USP34: variants seen among roughly 807,000 people sequenced by gnomAD.
USP34 encodes ubiquitin specific peptidase 34.
USP34 carries 70 observed loss-of-function variants against 460.3 expected under a neutral mutation model. That is an observed-to-expected ratio of 0.15 (90% CI 0.13 to 0.19). The LOEUF (loss-of-function observed/expected upper bound fraction) is 0.19. Among genes scored for constraint, USP34 ranks in the 10% least tolerant of loss-of-function variants. The pLI is 1.00. For synonymous variants in USP34, 1,647 were observed against 1,405.3 expected (o/e 1.17, Z -3.85); for missense variants, 3,985 against 4,236.2 (o/e 0.94, Z 1.65).
Position 61,350,619 on chromosome 2 carries a change from T to A in USP34, c.1326A>T (p.Arg442Ser), listed in dbSNP as rs1691916689. The change falls in exon 11 of 80, where the codon AGA becomes AGT. Residue 442 changes from arginine (R) to serine (S), a missense_variant. Arg to Ser is a moderately radical substitution (Grantham distance 110, BLOSUM62 -1). This residue lies in a region of USP34 where 716 missense variants were observed against 626.2 expected (regional missense o/e 1.14). Coordinates refer to ENST00000398571, the MANE Select transcript of USP34 (RefSeq NM_014709.4). ...GAGCTGAGACCAGATTAAGTAGATG[T>A]CTAAGTGGTACGGGATCCAAATTCT... ...LIKNLDPVPL[R>S]HLLNLVSALE... The A allele has an allele frequency of 6.2e-7, 1 of 1,613,766 alleles. No individual in the cohort carries two copies. The highest frequency in any genetic ancestry group is 8.5e-7 in the Non-Finnish European group (1 of 1,179,870).
At chr2:61,237,389 C>T (rs75601810) in intron 53 of USP34, among the ~76,000 whole-genome samples, 78 of 152,148 alleles carry the variant, frequency 5.1e-4, no homozygotes, top group Non-Finnish European at 1.0e-3. Flanking sequence ...CCATAATGGC[C>T]TAACTACTGG....
intron 3 of USP34, among the ~76,000 whole-genome samples, chr2:61,397,903 A>C (rs1170818647): frequency 6.9e-6 from 1 of 145,866 alleles, no homozygotes; most frequent in East Asian, 2.0e-4. Context: ...CATCTCAAAG[A>C]AAAAAAAAAA....
intron 29 of USP34, among the ~76,000 whole-genome samples, chr2:61,297,772 C>T (rs900827134): frequency 1.3e-5 from 2 of 151,866 alleles, no homozygotes; most frequent in Non-Finnish European, 2.9e-5. Flanking sequence ...GATGGAGTTT[C>T]GCTCTTGTAG....
At chr2:61,354,925 C>A (rs574197559) in intron 10 of USP34, among the ~76,000 whole-genome samples, 1 of 152,082 alleles carries the variant, frequency 6.6e-6, no homozygotes, top group East Asian at 1.9e-4. Flanking sequence ...TGTACCAGAC[C>A]CCATGCTATA....
At chr2:61,241,716 C>A in intron 52 of USP34, 50 bp downstream of exon 52, 2 of 1,500,094 alleles carry the variant, frequency 1.3e-6, no homozygotes, top group Non-Finnish European at 9.0e-7. Flanking sequence ...TAAAAGTAGA[C>A]AATGCAGAAG....
chr2:61,195,336 T>TA (rs1172258181), intron 75 of USP34, among the ~76,000 whole-genome samples: 1 of 148,592 alleles, frequency 6.7e-6, no homozygotes, highest in African/African-American at 2.5e-5. Flanking sequence ...TGAGCCATCA[T>TA]ATCCGGCTGG....
chr2:61,441,474 GTCA>G, intron 1 of USP34, among the ~76,000 whole-genome samples: 1 of 152,234 alleles, frequency 6.6e-6, no homozygotes, highest in South Asian at 2.1e-4. Context: ...GGGAAGAGAT[GTCA>G]GGAGGCCTCC....
intron 10 of USP34, among the ~76,000 whole-genome samples, chr2:61,358,625 T>C (rs946595817): frequency 6.6e-6 from 1 of 152,148 alleles, no homozygotes; most frequent in African/African-American, 2.4e-5. Context: ...TAGCCAGAGC[T>C]ACTAGACAAA....
At chr2:61,425,809 G>A (rs1344549494) in intron 1 of USP34, among the ~76,000 whole-genome samples, 3 of 152,054 alleles carry the variant, frequency 2.0e-5, no homozygotes, top group African/African-American at 4.8e-5. Context: ...GGCAGCCAAT[G>A]GAGTGCTGGC....
At chr2:61,358,362 A>G (rs917973184) in intron 10 of USP34, among the ~76,000 whole-genome samples, 2 of 152,104 alleles carry the variant, frequency 1.3e-5, no homozygotes, top group Admixed American at 6.6e-5. Flanking sequence ...CATTCATACT[A>G]AACTTATAGT....
chr2:61,336,667 G>T (rs530858126), intron 18 of USP34, among the ~76,000 whole-genome samples: 1 of 151,714 alleles, frequency 6.6e-6, no homozygotes, highest in South Asian at 2.1e-4. Context: ...AAAGTTAGCT[G>T]GGCGTGGTGG....
chr2:61,290,145 G>T (rs911015431), intron 33 of USP34, among the ~76,000 whole-genome samples: 7 of 152,130 alleles, frequency 4.6e-5, no homozygotes, highest in African/African-American at 1.7e-4. Context: ...TGAAGCCACC[G>T]TGAGCTAACA....
chr2:61,189,134 G>T (rs1322839297), intron 78 of USP34, 65 bp from the exon 79 acceptor site: 1 of 1,490,094 alleles, frequency 6.7e-7, no homozygotes, highest in African/African-American at 1.4e-5. Context: ...GTTGTTTACA[G>T]TTAATTGCAG....
At chr2:61,393,363 G>A (rs1019522516) in intron 5 of USP34, among the ~76,000 whole-genome samples, 10 of 150,892 alleles carry the variant, frequency 6.6e-5, no homozygotes, top group African/African-American at 2.0e-4. Context: ...TCTGGGAGAC[G>A]GAGGTTGCAG....
intron 2 of USP34, among the ~76,000 whole-genome samples, chr2:61,420,487 G>A (rs1420852493): frequency 6.6e-6 from 1 of 152,098 alleles, no homozygotes; most frequent in African/African-American, 2.4e-5. Flanking sequence ...TCTCAAAATA[G>A]TTACTTTTCA....
chr2:61,403,358 G>T (rs1038338748), intron 3 of USP34, among the ~76,000 whole-genome samples: 1 of 152,006 alleles, frequency 6.6e-6, no homozygotes, highest in Non-Finnish European at 1.5e-5. Flanking sequence ...ATATCATTAA[G>T]AAATTTTTAA....
At chr2:61,445,402 GCAA>G (rs1695083627) in intron 1 of USP34, among the ~76,000 whole-genome samples, 1 of 151,136 alleles carries the variant, frequency 6.6e-6, no homozygotes, top group South Asian at 2.1e-4. Context: ...GGGCGTGGTG[GCAA>G]GCACCTGTAG....
chr2:61,250,874 C>G (rs1365430569), intron 48 of USP34, among the ~76,000 whole-genome samples: 1 of 152,178 alleles, frequency 6.6e-6, no homozygotes, highest in Non-Finnish European at 1.5e-5. Flanking sequence ...TGCGGTGGCT[C>G]ACGCCTGTAA....
chr2:61,383,893 C>G (rs1398172839), intron 5 of USP34, among the ~76,000 whole-genome samples: 1 of 152,104 alleles, frequency 6.6e-6, no homozygotes, highest in Non-Finnish European at 1.5e-5. Flanking sequence ...AAAAATTAAT[C>G]TTAGCTTCTT....
Sources: gnomAD v4.1 joint callset for allele counts (sites outside exome capture counted in the v4.1 genomes callset) on GRCh38, gnomAD v4.1.1 for gene constraint, gnomAD v4.1.1 regional missense constraint, MANE v1.5 for transcripts, NCBI Gene and HGNC (gene_info 2026-07-23, HGNC 2026-07-21) for gene names.